The following ATP10B variants were observed in gnomAD, a reference collection of about 807,000 sequenced individuals.
ATP10B encodes the protein phospholipid-transporting ATPase VB.
ATP10B carries 122 observed loss-of-function variants against 141.2 expected under a neutral mutation model. That is an observed-to-expected ratio of 0.86 (90% CI 0.75 to 1.00). The LOEUF (loss-of-function observed/expected upper bound fraction) is 1.00. Ranked by LOEUF, ATP10B falls within the 50% of genes least tolerant of loss-of-function variation. The pLI is 0.00. For missense variants in ATP10B, 1,876 were observed against 1,825.3 expected (o/e 1.03, Z -0.51); for synonymous variants, 685 against 692.0 (o/e 0.99, Z 0.16).
intron 5 of ATP10B, chr5:160,687,085 T>C: frequency 2.7e-6 from 1 of 364,752 alleles, no homozygotes; most frequent in Non-Finnish European, 3.8e-6. Context: ...AGTCTCTCTT[T>C]CATGTTGTAC....
chr5:160,787,205 A>T (rs924572286), intron 1 of ATP10B, among the ~76,000 whole-genome samples: 2 of 151,976 alleles, frequency 1.3e-5, no homozygotes, highest in African/African-American at 4.8e-5. Context: ...GGTAGATTTC[A>T]AGATTCACAT....
intron 19 of ATP10B, among the ~76,000 whole-genome samples, chr5:160,605,665 A>G (rs919861959): frequency 2.0e-5 from 3 of 152,374 alleles, no homozygotes; most frequent in Non-Finnish European, 1.5e-5. Context: ...GAACAAAACC[A>G]TCACGTTTAA....
At chr5:160,761,248 C>G (rs1402151890) in intron 2 of ATP10B, among the ~76,000 whole-genome samples, 1 of 152,126 alleles carries the variant, frequency 6.6e-6, no homozygotes, top group Non-Finnish European at 1.5e-5. Context: ...TTCAAGAAAA[C>G]CAGTGCACTA....
intron 15 of ATP10B, among the ~76,000 whole-genome samples, chr5:160,618,370 T>A (rs180796672): frequency 1.4e-4 from 21 of 152,292 alleles, no homozygotes; most frequent in Admixed American, 1.2e-3. Flanking sequence ...ACCTAAGGTG[T>A]TTTTAGTTGA....
intron 2 of ATP10B, among the ~76,000 whole-genome samples, chr5:160,727,208 T>C (rs1766423893): frequency 6.6e-6 from 1 of 152,144 alleles, no homozygotes; most frequent in African/African-American, 2.4e-5. Context: ...TAGTATTATA[T>C]TGGACATTAT....
chr5:160,594,602 TAA>T (rs1336977936), intron 22 of ATP10B, among the ~76,000 whole-genome samples: 2 of 151,392 alleles, frequency 1.3e-5, no homozygotes, highest in African/African-American at 2.4e-5. Flanking sequence ...GCAAATTGGA[TAA>T]AGAGTCAAGA....
rs191064594 is a variant in ATP10B at position 160,707,083 on chromosome 5, C to T, written c.-205+9826G>A. Among the ~76,000 whole-genome samples, 1,513 of 151,940 alleles carry T rather than the reference C, an allele frequency of 1.0e-2. 26 individuals carry two copies. The highest frequency in any genetic ancestry group is 0.035 in the African/African-American group (1,444 of 41,416). On this transcript the variant is annotated intron_variant, in intron 3 of 25. Transcript: ENST00000327245. ...CTCCCACCTCAGCCTCCCTAGTAGC[C>T]GGGATTACAGGCGCCTGCCACCACG...
upstream of ATP10B, among the ~76,000 whole-genome samples, chr5:160,853,784 T>C (rs1753923317): frequency 1.3e-5 from 2 of 152,154 alleles, no homozygotes; most frequent in Admixed American, 1.3e-4. Context: ...AAACAAATAA[T>C]AGATAAGAAA....
rs1182791616 is a variant in ATP10B at position 160,573,080 on chromosome 5, G to C, written c.3751-3397C>G. On this transcript the variant is annotated intron_variant, in intron 24 of 25. Transcript: ENST00000327245. ...AATGTTTATGTCCTCCTACTCCCAAGTTAGTAATGTTTAAACCCTAATCTC... is the reference window on the plus strand; with the variant it reads ...AATGTTTATGTCCTCCTACTCCCAACTTAGTAATGTTTAAACCCTAATCTC... Among the ~76,000 whole-genome samples, 3 of 152,276 alleles carry C rather than the reference G, an allele frequency of 2.0e-5. 1 individual carries two copies. Among genetic ancestry groups the C allele is most frequent in the Non-Finnish European group, 1.5e-5 (1 of 68,026 alleles).
At position 160,589,660 on chromosome 5, in the gene ATP10B, C is replaced by G. The variant is rs1180053097; in HGVS notation, c.3682G>C (p.Gly1228Arg). ...AGGGAGATGGTGTTGATTGGTGTCC[C>G]AAAGGTAAAGACATCTATATCAGAG... ...KGSDIDVFTF[G>R]TPINTISLTT... The change falls in exon 24 of 26, where the codon GGG (glycine) becomes CGG (arginine). Residue 1228 changes from glycine (G) to arginine (R), a missense_variant. Gly to Arg is a moderately radical substitution (Grantham distance 125, BLOSUM62 -2). Coordinates refer to ENST00000327245, the MANE Select transcript of ATP10B (RefSeq NM_025153.3). 1 of 1,613,846 alleles carries G rather than the reference C, an allele frequency of 6.2e-7. No individual in the cohort carries two copies. The highest frequency in any genetic ancestry group is 1.3e-5 in the African/African-American group (1 of 74,882).
the ATP10B span, among the ~76,000 whole-genome samples, chr5:160,878,469 A>G: frequency 3.9e-3 from 598 of 152,338 alleles, 7 homozygotes; most frequent in African/African-American, 0.014. Flanking sequence ...GGACATAGGC[A>G]TGGGCAAGGA....
At chr5:160,666,612 C>G (rs1453224139) in intron 7 of ATP10B, among the ~76,000 whole-genome samples, 2 of 152,188 alleles carry the variant, frequency 1.3e-5, no homozygotes, top group Non-Finnish European at 2.9e-5. Flanking sequence ...ATTTTTCTTG[C>G]AACTCTCATC....
chr5:160,590,182 G>C (rs1031821195), intron 23 of ATP10B, among the ~76,000 whole-genome samples: 1 of 152,146 alleles, frequency 6.6e-6, no homozygotes, highest in African/African-American at 2.4e-5. Context: ...TTCCAGAAAA[G>C]GTCAGAACGG....
chr5:160,866,775 A>G, the ATP10B span, among the ~76,000 whole-genome samples: 1 of 152,202 alleles, frequency 6.6e-6, no homozygotes, highest in South Asian at 2.1e-4. Flanking sequence ...AAGACTACAT[A>G]TTGGGTACAG....
At chr5:160,661,090 G>C (rs1663965365) in intron 7 of ATP10B, among the ~76,000 whole-genome samples, 1 of 152,140 alleles carries the variant, frequency 6.6e-6, no homozygotes, top group Admixed American at 6.6e-5. Flanking sequence ...GGAGGCTGAG[G>C]CAAGGGAATC....
chr5:160,693,477 C>T (rs2127752970), intron 3 of ATP10B, among the ~76,000 whole-genome samples: 1 of 149,192 alleles, frequency 6.7e-6, no homozygotes, highest in South Asian at 2.1e-4. Flanking sequence ...CAGGGAAGGG[C>T]TCGTGGGAAA....
At chr5:160,833,843 A>G (rs566324285) in intron 1 of ATP10B, among the ~76,000 whole-genome samples, 6 of 152,306 alleles carry the variant, frequency 3.9e-5, no homozygotes, top group South Asian at 4.1e-4. Context: ...CTTTAAAAGC[A>G]TATTTCCAAA....
At chr5:160,924,627 T>C in the ATP10B span, among the ~76,000 whole-genome samples, 1 of 152,150 alleles carries the variant, frequency 6.6e-6, no homozygotes, top group Non-Finnish European at 1.5e-5. Context: ...TGGAGAATGA[T>C]CCAGTAAAAT....
intron 24 of ATP10B, among the ~76,000 whole-genome samples, chr5:160,585,502 C>T (rs1755824950): frequency 6.6e-6 from 1 of 152,186 alleles, no homozygotes; most frequent in South Asian, 2.1e-4. Flanking sequence ...ACTGAGGAGG[C>T]TGAGGCAGAA....
Sources: allele counts gnomAD v4.1 joint callset (sites outside exome capture counted in the v4.1 genomes callset), GRCh38; gene constraint gnomAD v4.1.1; transcripts MANE v1.5; gene names NCBI Gene and HGNC (gene_info 2026-07-23, HGNC 2026-07-21).